BCL2L13: variants seen among roughly 807,000 people sequenced by gnomAD.
The protein encoded by BCL2L13 is BCL2 like 13.
Under a neutral mutation model 25.8 loss-of-function variants are expected in BCL2L13, and 13 were observed. The ratio of observed to expected loss-of-function variants is 0.50; its 90% CI spans 0.33 to 0.80. BCL2L13 has a LOEUF of 0.80. Ranked by LOEUF, BCL2L13 falls within the 30% of genes least tolerant of loss-of-function variation. BCL2L13 has a pLI of 0.02. For synonymous variants in BCL2L13, 244 were observed against 230.3 expected (o/e 1.06, Z -0.54); for missense variants, 504 against 574.9 (o/e 0.88, Z 1.26).
Position 17,676,449 on chromosome 22 carries a change from C to T in BCL2L13, c.122-6765C>T, listed in dbSNP as rs557044981. 6.6e-5 allele frequency among the ~76,000 whole-genome samples: 10 copies of T among 152,024 alleles called. No individual in the cohort carries two copies. The East Asian group carries it at 1.2e-3, about 18-fold the overall frequency. ...CTGCACTCCAGCCTGGGTGACAGAGCGAGACTCTGTCTCAATTAAAAAAAT... is the reference window on the plus strand; with the variant it reads ...CTGCACTCCAGCCTGGGTGACAGAGTGAGACTCTGTCTCAATTAAAAAAAT... On this transcript the variant is annotated intron_variant, in intron 2 of 6. Transcript: ENST00000317582.
At chr22:17,693,866 C>T (rs2060189082) in intron 4 of BCL2L13, among the ~76,000 whole-genome samples, 1 of 151,992 alleles carries the variant, frequency 6.6e-6, no homozygotes, top group African/African-American at 2.4e-5. Flanking sequence ...GCCTCCTGAG[C>T]AGCTGGGATT....
intron 6 of BCL2L13, among the ~76,000 whole-genome samples, chr22:17,719,166 A>AG (rs1939743134): frequency 6.6e-6 from 1 of 151,108 alleles, no homozygotes; most frequent in Non-Finnish European, 1.5e-5. Flanking sequence ...AAAAAAAAAA[A>AG]AAAAAAAAAA....
intron 2 of BCL2L13, among the ~76,000 whole-genome samples, chr22:17,662,376 G>A (rs1329161982): frequency 6.6e-6 from 1 of 152,168 alleles, no homozygotes; most frequent in Non-Finnish European, 1.5e-5. Context: ...TACTTGAGAG[G>A]CTGAGGCAGG....
chr22:17,636,093 G>A (rs2058101360), upstream of BCL2L13, among the ~76,000 whole-genome samples: 1 of 151,346 alleles, frequency 6.6e-6, no homozygotes, highest in Non-Finnish European at 1.5e-5. Context: ...GGAGTCTGAG[G>A]TGGGTGGATC....
At chr22:17,678,228 T>A (rs1162783262) in intron 2 of BCL2L13, among the ~76,000 whole-genome samples, 1 of 152,076 alleles carries the variant, frequency 6.6e-6, no homozygotes, top group Non-Finnish European at 1.5e-5. Context: ...CTAGCTATGT[T>A]GCGCAGGCTG....
intron 2 of BCL2L13, among the ~76,000 whole-genome samples, chr22:17,669,065 C>T (rs973753730): frequency 3.7e-5 from 5 of 136,296 alleles, no homozygotes; most frequent in African/African-American, 1.4e-4. Flanking sequence ...CGGAGTCTCG[C>T]TCTGTCGCCC....
At chr22:17,688,317 A>G (rs946204204) in intron 3 of BCL2L13, among the ~76,000 whole-genome samples, 4 of 152,192 alleles carry the variant, frequency 2.6e-5, no homozygotes, top group African/African-American at 4.8e-5. Flanking sequence ...AAATTTATCC[A>G]TGTGTAGTAA....
chr22:17,675,814 T>C (rs959884794), intron 2 of BCL2L13, among the ~76,000 whole-genome samples: 8 of 152,206 alleles, frequency 5.3e-5, no homozygotes, highest in Non-Finnish European at 1.0e-4. Context: ...GCAACACATA[T>C]TAAGCCATTC....
At chr22:17,706,696 T>A in intron 6 of BCL2L13, 6 of 1,350,672 alleles carry the variant, frequency 4.4e-6, no homozygotes, top group Non-Finnish European at 5.9e-6. Context: ...CACAGACTGG[T>A]TCATGTGCTG....
At chr22:17,704,980 A>G (rs2060546592) in intron 6 of BCL2L13, among the ~76,000 whole-genome samples, 1 of 146,462 alleles carries the variant, frequency 6.8e-6, no homozygotes, top group Admixed American at 6.6e-5. Context: ...CAGTTTTGAA[A>G]GATAGGCAAA....
intron 6 of BCL2L13, among the ~76,000 whole-genome samples, chr22:17,716,595 C>T (rs2060951517): frequency 6.6e-6 from 1 of 152,158 alleles, no homozygotes; most frequent in Non-Finnish European, 1.5e-5. Context: ...CTTCACTGTG[C>T]TGTAGCCTTT....
At chr22:17,714,745 T>G (rs1353624353) in intron 6 of BCL2L13, among the ~76,000 whole-genome samples, 1 of 152,206 alleles carries the variant, frequency 6.6e-6, no homozygotes, top group Non-Finnish European at 1.5e-5. Flanking sequence ...TGTTTAGACC[T>G]CCACTGAGTG....
chr22:17,643,550 C>G (rs943755513), intron 1 of BCL2L13, among the ~76,000 whole-genome samples: 1 of 152,168 alleles, frequency 6.6e-6, no homozygotes, highest in African/African-American at 2.4e-5. Context: ...TTCAAGCCAC[C>G]AGTGAGTCAT....
At chr22:17,720,945 T>A (rs2061105477) in intron 6 of BCL2L13, among the ~76,000 whole-genome samples, 1 of 151,828 alleles carries the variant, frequency 6.6e-6, no homozygotes, top group Non-Finnish European at 1.5e-5. Context: ...GGCGGGTGGA[T>A]CACGAGGTCA....
At chr22:17,712,038 G>C (rs1292227933) in intron 6 of BCL2L13, among the ~76,000 whole-genome samples, 1 of 150,952 alleles carries the variant, frequency 6.6e-6, no homozygotes, top group South Asian at 2.1e-4. Context: ...TTTTTTTTTG[G>C]TGTAAATTTT....
In BCL2L13 at chr22:17,685,760, C is replaced by CTTTTTTTTTTTTTTTTTTTTTTTT. The variant is rs1166792513; in HGVS notation, c.229+2445_229+2468dup. On this transcript the variant is annotated intron_variant, in intron 3 of 6. Coordinates refer to ENST00000317582, the MANE Select transcript of BCL2L13 (RefSeq NM_015367.4). Reference sequence around the variant, plus strand: ...TATTGCCCAATAATTTTTTCTTTTTCTTTTTTTTTTTTTTTTTTTTTTTTT... The same window carrying CTTTTTTTTTTTTTTTTTTTTTTTT: ...TATTGCCCAATAATTTTTTCTTTTTCTTTTTTTTTTTTTTTTTTTTTTTTTTTTTTTTTTTTTTTTTTTTTTTTT... Among the ~76,000 whole-genome samples, 19 of 60,566 alleles carry CTTTTTTTTTTTTTTTTTTTTTTTT rather than the reference C, an allele frequency of 3.1e-4. 7 individuals carry two copies. The highest frequency in any genetic ancestry group is 1.0e-3 in the East Asian group (2 of 1,994). 39.7% of individuals were successfully genotyped at this position (60,566 alleles called of 152,430 possible).
At chr22:17,691,123 C>T (rs1364688113) in intron 4 of BCL2L13, among the ~76,000 whole-genome samples, 1 of 152,028 alleles carries the variant, frequency 6.6e-6, no homozygotes, top group East Asian at 1.9e-4. Context: ...ACCTCAGCCT[C>T]CCCAAAGTGC....
intron 6 of BCL2L13, among the ~76,000 whole-genome samples, chr22:17,714,548 T>C (rs1195405936): frequency 1.3e-5 from 2 of 152,198 alleles, no homozygotes; most frequent in African/African-American, 4.8e-5. Flanking sequence ...TAAAGGACTT[T>C]TGTTGAAAAG....
At chr22:17,709,545 G>C (rs2060686876) in intron 6 of BCL2L13, among the ~76,000 whole-genome samples, 1 of 152,000 alleles carries the variant, frequency 6.6e-6, no homozygotes, top group South Asian at 2.1e-4. Flanking sequence ...CAGTGAACCA[G>C]GATTGTGCCT....
Sources: allele counts gnomAD v4.1 joint callset (sites outside exome capture counted in the v4.1 genomes callset), GRCh38; gene constraint gnomAD v4.1.1; transcripts MANE v1.5; gene names NCBI Gene and HGNC (gene_info 2026-07-23, HGNC 2026-07-21).